Variants in PDE10A observed in about 807,000 individuals in gnomAD.
PDE10A encodes cAMP and cAMP-inhibited cGMP 3',5'-cyclic phosphodiesterase 10A.
A neutral mutation model predicts 97.7 loss-of-function variants in PDE10A; 39 were observed. The ratio of observed to expected loss-of-function variants is 0.40; its 90% CI spans 0.31 to 0.52. The LOEUF (loss-of-function observed/expected upper bound fraction) is 0.52, where lower values mean the gene tolerates loss of function less well. Among genes scored for constraint, PDE10A ranks in the 20% least tolerant of loss-of-function variants. The pLI is 0.56. For missense variants in PDE10A, 731 were observed against 1,047.8 expected (o/e 0.70, Z 4.17); for synonymous variants, 371 against 376.8 (o/e 0.98, Z 0.18).
chr6:165,644,450 A>G (rs539350626), intron 1 of PDE10A, among the ~76,000 whole-genome samples: 1 of 152,342 alleles, frequency 6.6e-6, no homozygotes, highest in East Asian at 1.9e-4. Context: ...GCCCATAGGA[A>G]GCAGCCTGGG....
At chr6:165,955,276 C>G (rs944917296) in intron 1 of PDE10A, among the ~76,000 whole-genome samples, 3 of 152,156 alleles carry the variant, frequency 2.0e-5, no homozygotes, top group Non-Finnish European at 4.4e-5. Context: ...TTAATGGCAT[C>G]CCTCTTTTAT....
intron 1 of PDE10A, among the ~76,000 whole-genome samples, chr6:165,741,862 C>A (rs1792734246): frequency 6.6e-6 from 1 of 152,000 alleles, no homozygotes; most frequent in Non-Finnish European, 1.5e-5. Flanking sequence ...AGATCACAAA[C>A]AATAGGCAAA....
intron 1 of PDE10A, among the ~76,000 whole-genome samples, chr6:165,818,518 T>C (rs951679838): frequency 3.3e-5 from 5 of 152,224 alleles, no homozygotes; most frequent in African/African-American, 1.2e-4. Context: ...AGCTGGTTTA[T>C]GTAGAAAAAA....
chr6:165,536,459 G>C (rs903422028), intron 2 of PDE10A, among the ~76,000 whole-genome samples: 2 of 151,822 alleles, frequency 1.3e-5, no homozygotes, highest in Non-Finnish European at 2.9e-5. Flanking sequence ...AAACTGACAT[G>C]TGATCACCTC....
intron 1 of PDE10A, among the ~76,000 whole-genome samples, chr6:165,549,242 T>C (rs1783890153): frequency 6.6e-6 from 1 of 152,250 alleles, no homozygotes; most frequent in African/African-American, 2.4e-5. Context: ...CATTGTTCTA[T>C]CACACAACAA....
intron 1 of PDE10A, among the ~76,000 whole-genome samples, chr6:165,623,286 C>T (rs1402966227): frequency 2.6e-5 from 4 of 152,100 alleles, no homozygotes; most frequent in Non-Finnish European, 2.9e-5. Flanking sequence ...CCACCATGCC[C>T]GGCTGATTTT....
At chr6:165,467,082 A>C (rs1778697832) in intron 3 of PDE10A, among the ~76,000 whole-genome samples, 1 of 152,202 alleles carries the variant, frequency 6.6e-6, no homozygotes, top group Non-Finnish European at 1.5e-5. Context: ...CTTACAGCAA[A>C]GTGTAATCCA....
At chr6:165,499,599 C>A (rs1239342964) in intron 2 of PDE10A, among the ~76,000 whole-genome samples, 1 of 152,108 alleles carries the variant, frequency 6.6e-6, no homozygotes, top group Admixed American at 6.6e-5. Flanking sequence ...CAGCTTATGG[C>A]AATGATCAAT....
chr6:165,428,637 C>A (rs1441844271), intron 10 of PDE10A, 21 bp downstream of exon 10: 2 of 1,135,578 alleles, frequency 1.8e-6, no homozygotes, highest in Non-Finnish European at 2.6e-6. Flanking sequence ...CAGAATCATA[C>A]TCAGAACAAA....
At chr6:165,495,088 A>G (rs553828209) in intron 2 of PDE10A, among the ~76,000 whole-genome samples, 2 of 152,312 alleles carry the variant, frequency 1.3e-5, no homozygotes, top group Admixed American at 1.3e-4. Flanking sequence ...CAATTATGCA[A>G]TTTTAACAAT....
intron 1 of PDE10A, among the ~76,000 whole-genome samples, chr6:165,762,328 C>A (rs550632451): frequency 1.3e-5 from 2 of 152,252 alleles, no homozygotes; most frequent in South Asian, 4.2e-4. Flanking sequence ...CCTGGCAATA[C>A]GTGTTGTCTG....
chr6:165,356,375 T>A (rs554922200), intron 18 of PDE10A, among the ~76,000 whole-genome samples: 26 of 152,340 alleles, frequency 1.7e-4, no homozygotes, highest in African/African-American at 6.0e-4. Context: ...GGCTTTAAAT[T>A]CTGTAAAAAT....
chr6:165,689,216 T>C (rs1170761467), intron 1 of PDE10A, among the ~76,000 whole-genome samples: 2 of 152,218 alleles, frequency 1.3e-5, no homozygotes, highest in Admixed American at 1.3e-4. Context: ...TAAGTGATAG[T>C]TCAGCTTCAG....
In PDE10A at chr6:165,858,795, G is replaced by A. The variant is rs144300734; in HGVS notation, c.-615+128734C>T. On this transcript the variant is annotated intron_variant, in intron 1 of 19. Coordinates refer to the PDE10A transcript ENST00000366882. ...TGGCCATTTAAATCCATGTTTCCCCGGGGGTACTCCCTGGACCTGGAAGGC... is the reference window on the plus strand; with the variant it reads ...TGGCCATTTAAATCCATGTTTCCCCAGGGGTACTCCCTGGACCTGGAAGGC... Among the ~76,000 whole-genome samples the A allele has an allele frequency of 1.6e-3, 245 of 152,260 alleles. 2 individuals carry two copies. Among genetic ancestry groups the A allele is most frequent in the African/African-American group, 5.4e-3 (226 of 41,560 alleles).
intron 13 of PDE10A, among the ~76,000 whole-genome samples, chr6:165,408,932 G>A (rs1369237773): frequency 6.6e-6 from 1 of 151,926 alleles, no homozygotes; most frequent in South Asian, 2.1e-4. Context: ...TTGGGAGGCC[G>A]AGGCGGGCGG....
intron 2 of PDE10A, among the ~76,000 whole-genome samples, chr6:165,541,618 G>C (rs531354491): frequency 1.3e-5 from 2 of 152,200 alleles, no homozygotes; most frequent in South Asian, 2.1e-4. Flanking sequence ...GCTGAAATTT[G>C]CATCTTTTTT....
chr6:165,754,400 G>A (rs1793071376), intron 1 of PDE10A: 1 of 152,144 alleles, frequency 6.6e-6, no homozygotes, highest in Non-Finnish European at 1.5e-5. Flanking sequence ...TTGCTAAACT[G>A]ATACTATCAC....
intron 19 of PDE10A, 100 bp from the exon 20 acceptor site, chr6:165,339,458 A>G: frequency 1.3e-6 from 1 of 777,472 alleles, no homozygotes; most frequent in Non-Finnish European, 2.2e-6. Context: ...ATTTTCTTCA[A>G]AACAAATAAT....
chr6:165,718,174 G>A (rs75564695), intron 1 of PDE10A: 13 of 152,142 alleles, frequency 8.5e-5, no homozygotes, highest in African/African-American at 2.9e-4. Context: ...TCAAAGTCTT[G>A]ATGCTTTTTT....
Sources: allele counts gnomAD v4.1 joint callset (sites outside exome capture counted in the v4.1 genomes callset), GRCh38; gene constraint gnomAD v4.1.1; transcripts MANE v1.5; gene names NCBI Gene and HGNC (gene_info 2026-07-23, HGNC 2026-07-21).